ZNF790: variants seen among roughly 807,000 people sequenced by gnomAD.
ZNF790 encodes zinc finger protein 790.
Under a neutral mutation model 12.1 loss-of-function variants are expected in ZNF790, and 8 were observed. That is an observed-to-expected ratio of 0.66 (90% confidence interval 0.39 to 1.19). The LOEUF (loss-of-function observed/expected upper bound fraction) is 1.19. ZNF790 is among the 50% of genes most tolerant of loss of function. The pLI, the probability that ZNF790 is intolerant of heterozygous loss-of-function variation, is 0.01. For synonymous variants in ZNF790, 252 were observed against 244.3 expected, an observed-to-expected ratio of 1.03 and a Z score of -0.29; for missense variants, 707 against 752.2, an observed-to-expected ratio of 0.94 and a Z score of 0.70.
intron 1 of ZNF790, among the ~76,000 whole-genome samples, chr19:36,828,306 A>G (rs112502206): frequency 1.3e-4 from 20 of 152,090 alleles, no homozygotes; most frequent in African/African-American, 4.8e-4. Flanking sequence ...TTAATTAAAA[A>G]TATAAAATTA....
intron 1 of ZNF790, among the ~76,000 whole-genome samples, chr19:36,848,604 T>C (rs994386294): frequency 6.6e-6 from 1 of 152,168 alleles, no homozygotes; most frequent in Admixed American, 6.5e-5. Context: ...CTTGCCTGTA[T>C]AGTCCAAATT....
At position 36,823,371 on chromosome 19, in the gene ZNF790, A is replaced by T; in HGVS notation, c.143T>A (p.Ile48Asn). The T allele has an allele frequency of 6.2e-7, 1 of 1,614,016 alleles. No homozygotes were observed. Among genetic ancestry groups the T allele is most frequent in the Non-Finnish European group, 8.5e-7 (1 of 1,179,960 alleles). The change falls in exon 4 of 5, where the codon ATT becomes AAT. Residue 48 changes from isoleucine (I) to asparagine (N), a missense_variant. Physicochemically the swap from Ile to Asn is moderately radical, Grantham distance 149. Coordinates refer to ENST00000356725, the MANE Select transcript of ZNF790 (RefSeq NM_206894.4). ...YSNMVSLGFC[I>N]YQPEAFSLLE... is the part of the protein sequence containing the mutation. ...TAAAGAGAACGCTTCTGGCTGATAA[A>T]TGCAAAAACCTGCCCAGAAGATGAG...
rs879588276 is a variant in ZNF790 at position 36,838,115 on chromosome 19, CACACACACACACAT to C, written c.-74+208_-74+221del. 0.13 allele frequency: 13,302 copies of C among 105,202 alleles called. 737 individuals are homozygous for C. The highest frequency in any genetic ancestry group is 0.22 in the South Asian group (665 of 3,084). The allele number at this position is 105,202 out of a possible 1,614,324, so 6.5% of individuals were successfully genotyped here. A position where few individuals can be genotyped will look rare whatever the true frequency, so the allele number is the denominator to read the frequency against. Reference sequence around the variant, plus strand: ...TCGTGTGCGCGTGCGCGCACACACACACACACACACACATACACACACACACACACAAGCTCCCG... The same window carrying C: ...TCGTGTGCGCGTGCGCGCACACACACACACACACACACACACAAGCTCCCG... On this transcript the variant is annotated intron_variant, in intron 1 of 4. Transcript: ENST00000356725. The surrounding 1 kb of genome is among the most constrained non-coding windows in gnomAD (Gnocchi z 4.4).
chr19:36,824,763 T>A (rs558414893), intron 2 of ZNF790, among the ~76,000 whole-genome samples: 1 of 151,924 alleles, frequency 6.6e-6, no homozygotes, highest in South Asian at 2.1e-4. Context: ...GTGAGAAAAG[T>A]TGGAGGTTTT....
At chr19:36,825,557 A>C in intron 2 of ZNF790, 54 bp downstream of exon 2, 1 of 1,564,512 alleles carries the variant, frequency 6.4e-7, no homozygotes, top group Non-Finnish European at 8.8e-7. Flanking sequence ...AAAAATATTC[A>C]CATGATTTGA....
intron 2 of ZNF790, 66 bp downstream of exon 2, chr19:36,825,545 A>G: frequency 1.2e-5 from 18 of 1,504,892 alleles, no homozygotes; most frequent in Non-Finnish European, 1.7e-5. Context: ...AGGATAAGCA[A>G]TAAAAATATT....
chr19:36,844,916 C>T (rs184914073), intron 1 of ZNF790, among the ~76,000 whole-genome samples: 4,176 of 148,990 alleles, frequency 0.028, 195 homozygotes, highest in African/African-American at 0.095. Flanking sequence ...GGCGTAGTGG[C>T]GGGCGCCTGT....
At chr19:36,847,280 G>A (rs1324033693) in intron 1 of ZNF790, among the ~76,000 whole-genome samples, 1 of 151,876 alleles carries the variant, frequency 6.6e-6, no homozygotes, top group Non-Finnish European at 1.5e-5. Context: ...GAACCCGGGA[G>A]GCAGTGGTTG....
chr19:36,820,110 C>T lies in ZNF790; in HGVS notation c.234G>A (p.Met78Ile). ...ACTTCTTGGTCTGACACCTCGACTG[C>T]ATGTCTGAAAAATAAGAAGGTAAAA... ...RDETRGPCPD[M>I]QSRCQTKKLL... The change falls in exon 5 of 5, where the codon ATG becomes ATA. Residue 78 changes from methionine to isoleucine, a missense_variant. By Grantham distance (10) the Met-to-Ile change is conservative. Transcript: ENST00000356725. 2 of 1,597,602 alleles carry T rather than the reference C, an allele frequency of 1.3e-6. No homozygotes were observed. Among genetic ancestry groups the T allele is most frequent in the Non-Finnish European group, 1.7e-6 (2 of 1,176,698 alleles).
rs1461890319 is a variant in ZNF790, at chr19:36,825,667, T to G, written c.-48A>C. 1 of 1,607,740 alleles carries G rather than the reference T, an allele frequency of 6.2e-7. No homozygotes were observed. The highest frequency in any genetic ancestry group is 8.5e-7 in the Non-Finnish European group (1 of 1,174,272). ...AGTCCTTCTCTGGATTCTTTCTTGG[T>G]GAGGCAGCGTGCTGGGAAAGCAGAG... On this transcript the variant is annotated 5_prime_UTR_variant, in exon 2 of 5. Coordinates refer to ENST00000356725, the MANE Select transcript of ZNF790 (RefSeq NM_206894.4).
chr19:36,846,486 C>T (rs1391258188), intron 1 of ZNF790, among the ~76,000 whole-genome samples: 8 of 152,146 alleles, frequency 5.3e-5, no homozygotes, highest in Non-Finnish European at 4.4e-5. Flanking sequence ...AATTCTTGAA[C>T]CCGGGAAGCG....
At chr19:36,823,638 G>T (rs2071725624) in intron 3 of ZNF790, 29 bp downstream of exon 3, 2 of 1,595,418 alleles carry the variant, frequency 1.3e-6, no homozygotes, top group Admixed American at 1.9e-5. Context: ...CAGAAAGCAG[G>T]AATTTCTAAG....
rs560194216 is a variant in ZNF790, at chr19:36,821,721, T to C, written c.229+1564A>G. 7.9e-5 allele frequency among the ~76,000 whole-genome samples: 12 copies of C among 152,138 alleles called. 1 individual carries two copies. The South Asian group carries it at 1.5e-3, about 18-fold the overall frequency. On this transcript the variant is annotated intron_variant, in intron 4 of 4. Transcript: ENST00000356725. Reference sequence around the variant, plus strand: ...GCCTCAGCCTCCCAAGTAGCTGGGATTACAGGCGCCCACCCCCATGCCCAG... The same window carrying C: ...GCCTCAGCCTCCCAAGTAGCTGGGACTACAGGCGCCCACCCCCATGCCCAG...
intron 1 of ZNF790, among the ~76,000 whole-genome samples, chr19:36,831,356 T>G (rs537176712): frequency 1.4e-4 from 20 of 145,562 alleles, no homozygotes; most frequent in African/African-American, 5.0e-4. Context: ...AAGTAATAGA[T>G]AGACCATAGA....
intron 1 of ZNF790, among the ~76,000 whole-genome samples, chr19:36,849,308 C>T (rs2072216851): frequency 6.6e-6 from 1 of 152,096 alleles, no homozygotes; most frequent in South Asian, 2.1e-4. Context: ...CATCATATTT[C>T]GGCAACCTCT....
At chr19:36,844,346 AC>A (rs1017601307) in intron 1 of ZNF790, among the ~76,000 whole-genome samples, 1 of 150,474 alleles carries the variant, frequency 6.6e-6, no homozygotes, top group African/African-American at 2.5e-5. Flanking sequence ...AAAAAAAAAA[AC>A]CCAAAAAGCC....
chr19:36,832,423 T>G (rs1178110601), intron 1 of ZNF790, among the ~76,000 whole-genome samples: 1 of 152,198 alleles, frequency 6.6e-6, no homozygotes, highest in South Asian at 2.1e-4. Flanking sequence ...TAAAAGACAC[T>G]GTGGCTTCCA....
At chr19:36,831,939 T>C (rs1784331022) in intron 1 of ZNF790, among the ~76,000 whole-genome samples, 1 of 151,926 alleles carries the variant, frequency 6.6e-6, no homozygotes, top group African/African-American at 2.4e-5. Flanking sequence ...ATATCAAATA[T>C]AAGAAAAAGG....
At position 36,823,305 on chromosome 19, in the gene ZNF790, T is replaced by C. The variant is rs770022685; in HGVS notation, c.209A>G (p.Glu70Gly). 2.2e-5 allele frequency: 35 copies of C among 1,613,958 alleles called. No homozygotes were observed. The highest frequency in any genetic ancestry group is 2.8e-5 in the Non-Finnish European group (33 of 1,180,010). The change falls in exon 4 of 5, where the codon GAG becomes GGG. Residue 70 changes from glutamate (E) to glycine (G), a missense_variant. Coordinates refer to ENST00000356725, the MANE Select transcript of ZNF790 (RefSeq NM_206894.4). ...GKEPWKILRDETRGPCPDMQS... is the reference protein window; with the variant it reads ...GKEPWKILRDGTRGPCPDMQS... Reference sequence around the variant, plus strand: ...CTCACCTGGGCAAGGTCCTCTTGTCTCATCCCTCAAAATCTTCCAGGGCTC... The same window carrying C: ...CTCACCTGGGCAAGGTCCTCTTGTCCCATCCCTCAAAATCTTCCAGGGCTC...
Sources: gnomAD v4.1 joint callset for allele counts (sites outside exome capture counted in the v4.1 genomes callset) on GRCh38, gnomAD v4.1.1 for gene constraint, Gnocchi (gnomAD v3.1) non-coding constraint, MANE v1.5 for transcripts, NCBI Gene and HGNC (gene_info 2026-07-23, HGNC 2026-07-21) for gene names.